The following TMEM82 variants were observed in gnomAD, a reference collection of about 807,000 sequenced individuals.
TMEM82 encodes the protein transmembrane protein 82.
A neutral mutation model predicts 29.2 loss-of-function variants in TMEM82; 30 were observed. The ratio of observed to expected loss-of-function variants is 1.03; its 90% confidence interval spans 0.77 to 1.39. The LOEUF (loss-of-function observed/expected upper bound fraction) is 1.39, where lower values mean the gene tolerates loss of function less well. Ranked by LOEUF, TMEM82 falls within the 40% of genes most tolerant of loss-of-function variation. The pLI, the probability that TMEM82 is intolerant of heterozygous loss-of-function variation, is 0.00. For synonymous variants in TMEM82, 221 were observed against 225.4 expected (o/e 0.98, Z 0.18); for missense variants, 442 against 447.7 (o/e 0.99, Z 0.12).
In TMEM82 at chr1:15,744,014, A is replaced by G. The variant is rs1311964552; in HGVS notation, c.337-146A>G. ...TATGATTGAAATTAAGGTGAGAGAGATGATCCCCTAGGGCTTCATCTGAAG... is the reference window on the plus strand; with the variant it reads ...TATGATTGAAATTAAGGTGAGAGAGGTGATCCCCTAGGGCTTCATCTGAAG... On this transcript the variant is annotated intron_variant, in intron 3 of 5. Transcript: ENST00000375782. This position sits in a 1 kb window ranked among gnomAD's most constrained non-coding sequence, Gnocchi z 5.2. 22 of 680,838 alleles carry G rather than the reference A, an allele frequency of 3.2e-5. No homozygotes were observed. The highest frequency in any genetic ancestry group is 4.5e-5 in the Non-Finnish European group (19 of 425,284). 42.2% of individuals were successfully genotyped at this position (680,838 alleles called of 1,614,324 possible).
At position 15,747,683 on chromosome 1, in the gene TMEM82, C is replaced by A; in HGVS notation, c.*51C>A. On this transcript the variant is annotated 3_prime_UTR_variant, in exon 6 of 6. Transcript: ENST00000375782. Reference sequence around the variant, plus strand: ...TGTCTCAAGCCCACTAGCCTGATCTCCGAGGCCTTGACCCCAGGGCGATGC... The same window carrying A: ...TGTCTCAAGCCCACTAGCCTGATCTACGAGGCCTTGACCCCAGGGCGATGC... 6.5e-7 allele frequency: 1 copy of A among 1,534,220 alleles called. No individual in the cohort carries two copies.
At position 15,747,548 on chromosome 1, in the gene TMEM82, T is replaced by C. The variant is rs753399677; in HGVS notation, c.948T>C (p.Asp316=). The part of the protein sequence containing the change: ...RTLLDLCQIQ[D]FPSQRPPVST... ...TCATTCTCAACGCTTTTCCTCAGGA[T>C]TTTCCATCCCAGAGGCCTCCAGTGT... is the stretch of plus-strand genomic sequence containing the variant. Residue 316 remains aspartate, a splice_region_variant and synonymous_variant, in exon 6 of 6, where the codon GAT becomes GAC. Coordinates refer to ENST00000375782, the MANE Select transcript of TMEM82 (RefSeq NM_001013641.3). The C allele has an allele frequency of 1.7e-5, 28 of 1,613,548 alleles. No homozygotes were observed. The Middle Eastern group carries it at 2.1e-3, about 123-fold the overall frequency.
At position 15,747,693 on chromosome 1, in the gene TMEM82, G is replaced by C; in HGVS notation, c.*61G>C. 6.7e-7 allele frequency: 1 copy of C among 1,483,294 alleles called. No homozygotes were observed. The highest frequency in any genetic ancestry group is 9.4e-7 in the Non-Finnish European group (1 of 1,067,518). 91.9% of individuals were successfully genotyped at this position (1,483,294 alleles called of 1,614,324 possible). A position where few individuals can be genotyped will look rare whatever the true frequency, so the allele number is the denominator to read the frequency against. On this transcript the variant is annotated 3_prime_UTR_variant, in exon 6 of 6. Coordinates refer to ENST00000375782, the MANE Select transcript of TMEM82 (RefSeq NM_001013641.3). Reference sequence around the variant, plus strand: ...CCACTAGCCTGATCTCCGAGGCCTTGACCCCAGGGCGATGCCTGGAGGCAG... The same window carrying C: ...CCACTAGCCTGATCTCCGAGGCCTTCACCCCAGGGCGATGCCTGGAGGCAG...
intron 4 of TMEM82, among the ~76,000 whole-genome samples, chr1:15,745,046 T>TTTTGC (rs1215947365): frequency 5.9e-5 from 9 of 152,134 alleles, no homozygotes; most frequent in African/African-American, 2.4e-5. Context: ...TTTTGTTTTG[T>TTTTGC]TTTGCTTTTC....
chr1:15,744,433 C>T lies in TMEM82; in HGVS notation c.610C>T (p.Leu204=), dbSNP rs1232475844. ...CCATGCACATGGCCTCCCCCAGCTG[C>T]TGGGCCGTGCCCTGGCCATAGCCTT... ...LAHAHGLPQL[L]GRALAIAFAV... Residue 204 remains leucine (L), a synonymous_variant, in exon 4 of 6, where the codon CTG becomes TTG. Transcript: ENST00000375782. The surrounding 1 kb of genome is among the most constrained non-coding windows in gnomAD (Gnocchi z 5.2). 1 of 1,597,524 alleles carries T rather than the reference C, an allele frequency of 6.3e-7. No individual in the cohort carries two copies. The highest frequency in any genetic ancestry group is 8.5e-7 in the Non-Finnish European group (1 of 1,172,820).
rs552891194 is a variant in TMEM82 at position 15,744,883 on chromosome 1, G to T, written c.757+303G>T. Among the ~76,000 whole-genome samples, 3 of 152,288 alleles carry T rather than the reference G, an allele frequency of 2.0e-5. No individual in the cohort carries two copies. In the South Asian group the frequency reaches 6.2e-4, roughly 32 times the overall value. ...CCCAGAGGGGAGAGAGGGCATGGCC[G>T]TGCCAAACAAGCCACAGGAGTCCAG... On this transcript the variant is annotated intron_variant, in intron 4 of 5. Coordinates refer to ENST00000375782, the MANE Select transcript of TMEM82 (RefSeq NM_001013641.3). This position sits in a 1 kb window ranked among gnomAD's most constrained non-coding sequence, Gnocchi z 5.2.
Position 15,744,509 on chromosome 1 carries a change from C to A in TMEM82, c.686C>A (p.Thr229Asn), listed in dbSNP as rs774250926. ...AVALINQDFL[T>N]TSEAMRFWTP... Reference sequence around the variant, plus strand: ...GCCCTCATCAACCAGGACTTCCTGACCACCTCGGAGGCCATGCGGTTCTGG... The same window carrying A: ...GCCCTCATCAACCAGGACTTCCTGAACACCTCGGAGGCCATGCGGTTCTGG... The change falls in exon 4 of 6, where the codon ACC becomes AAC. Residue 229 changes from threonine to asparagine, a missense_variant. Transcript: ENST00000375782. The surrounding 1 kb of genome is among the most constrained non-coding windows in gnomAD (Gnocchi z 5.2). 9 of 1,612,604 alleles carry A rather than the reference C, an allele frequency of 5.6e-6. No individual in the cohort carries two copies. The South Asian group carries it at 9.9e-5, about 18-fold the overall frequency.
At chr1:15,746,593 A>G (rs1177259042) in intron 4 of TMEM82, among the ~76,000 whole-genome samples, 1 of 151,896 alleles carries the variant, frequency 6.6e-6, no homozygotes, top group African/African-American at 2.4e-5. Flanking sequence ...TGCGGAAAAG[A>G]AAGGAGTCAG....
At position 15,746,030 on chromosome 1, in the gene TMEM82, C is replaced by T. The variant is rs550282337; in HGVS notation, c.758-837C>T. 1.2e-4 allele frequency among the ~76,000 whole-genome samples: 18 copies of T among 150,888 alleles called. No homozygotes were observed. The East Asian group carries it at 3.6e-3, about 30-fold the overall frequency. ...GTGAGCCACTGTGCCCGGCTTACTG[C>T]AGGGTTTTTTTTTGTTGTTGTTTTG... On this transcript the variant is annotated intron_variant, in intron 4 of 5. Coordinates refer to ENST00000375782, the MANE Select transcript of TMEM82 (RefSeq NM_001013641.3).
chr1:15,742,699 G>A (rs1394169978), intron 1 of TMEM82, 52 bp downstream of exon 1: 13 of 1,560,092 alleles, frequency 8.3e-6, no homozygotes, highest in Non-Finnish European at 1.1e-5. Context: ...CCAGCTCTTT[G>A]CAGTGCAGGG....
Position 15,744,671 on chromosome 1 carries a change from T to C in TMEM82, c.757+91T>C. 1.4e-6 allele frequency: 2 copies of C among 1,419,986 alleles called. No homozygotes were observed. The highest frequency in any genetic ancestry group is 1.9e-6 in the Non-Finnish European group (2 of 1,064,310). 88.0% of individuals were successfully genotyped at this position (1,419,986 alleles called of 1,614,324 possible). Reference sequence around the variant, plus strand: ...GAGGCCGAGAGCCATCAGCCCTCACTCTTGCCATCCCAGAGAGCCTGGTCA... The same window carrying C: ...GAGGCCGAGAGCCATCAGCCCTCACCCTTGCCATCCCAGAGAGCCTGGTCA... On this transcript the variant is annotated intron_variant, in intron 4 of 5. Transcript: ENST00000375782. This position sits in a 1 kb window ranked among gnomAD's most constrained non-coding sequence, Gnocchi z 5.2.
In TMEM82 at chr1:15,742,625, C is replaced by G. The variant is rs773696106; in HGVS notation, c.66C>G (p.Ser22Arg). Residue 22 changes from serine (S) to arginine (R), a missense_variant, in exon 1 of 6, where the codon AGC (serine) becomes AGG (arginine). Physicochemically the swap from Ser to Arg is moderately radical, Grantham distance 110. Transcript: ENST00000375782. ...TCCCCTCCCTCGAGTGGGGCTCTAG[C>G]CTCCTTGACTCCCTCCTGCAAGGTG... Reference protein sequence around the residue: ...PGLPSLEWGSSLLDSLLQGLI... With the variant: ...PGLPSLEWGSRLLDSLLQGLI... 6.2e-6 allele frequency: 10 copies of G among 1,609,628 alleles called. No individual in the cohort carries two copies. The highest frequency in any genetic ancestry group is 2.2e-5 in the East Asian group (1 of 44,884).
Position 15,746,146 on chromosome 1 carries a change from CT to C in TMEM82, c.758-720del, listed in dbSNP as rs375122557. Among the ~76,000 whole-genome samples the C allele has an allele frequency of 4.7e-3, 712 of 151,860 alleles. 4 individuals are homozygous for C. The highest frequency in any genetic ancestry group is 0.016 in the African/African-American group (679 of 41,442). ...TCCTGGGTTCAATCAATTCTCCTGC[CT>C]CAGCCTCCCAAGTAGCTGGACTCTG... On this transcript the variant is annotated intron_variant, in intron 4 of 5. Transcript: ENST00000375782.
chr1:15,743,823 G>A (rs895345555), intron 3 of TMEM82, among the ~76,000 whole-genome samples: 1 of 152,162 alleles, frequency 6.6e-6, no homozygotes, highest in Non-Finnish European at 1.5e-5. Flanking sequence ...AAATTAGCTG[G>A]GCATGGTGGC....
In TMEM82 at chr1:15,744,784, G is replaced by T. The variant is rs530469732; in HGVS notation, c.757+204G>T. 6.6e-6 allele frequency among the ~76,000 whole-genome samples: 1 copy of T among 152,200 alleles called. No individual in the cohort carries two copies. The highest frequency in any genetic ancestry group is 1.5e-5 in the Non-Finnish European group (1 of 68,044). Reference sequence around the variant, plus strand: ...GTAGTCTTTAGATTGGGCTTTGAAGGATGAGCAGGAGATCCCTAAGAGAAG... The same window carrying T: ...GTAGTCTTTAGATTGGGCTTTGAAGTATGAGCAGGAGATCCCTAAGAGAAG... On this transcript the variant is annotated intron_variant, in intron 4 of 5. Transcript: ENST00000375782. This position sits in a 1 kb window ranked among gnomAD's most constrained non-coding sequence, Gnocchi z 5.2.
intron 5 of TMEM82, 35 bp from the exon 6 acceptor site, chr1:15,747,511 G>A: frequency 6.3e-7 from 1 of 1,587,284 alleles, no homozygotes; most frequent in South Asian, 1.1e-5. Context: ...GGGGATGGGT[G>A]AATGGGTGGT....
intron 5 of TMEM82, 63 bp downstream of exon 5, chr1:15,747,117 C>T (rs1473347943): frequency 1.3e-6 from 2 of 1,528,714 alleles, no homozygotes; most frequent in African/African-American, 2.8e-5. Flanking sequence ...GCCCAGGAGC[C>T]TCAAGAGGCT....
chr1:15,744,078 T>C lies in TMEM82; in HGVS notation c.337-82T>C, dbSNP rs2068314116. 7.1e-7 allele frequency: 1 copy of C among 1,403,936 alleles called. No homozygotes were observed. The allele number at this position is 1,403,936 out of a possible 1,614,324, so 87.0% of individuals were successfully genotyped here. A position where few individuals can be genotyped will look rare whatever the true frequency, so the allele number is the denominator to read the frequency against. ...TTCGGGAACCATCCCCAAGGTCCCTTCAGGCTCCGGCTTCCTGTGGTGGGC... is the reference window on the plus strand; with the variant it reads ...TTCGGGAACCATCCCCAAGGTCCCTCCAGGCTCCGGCTTCCTGTGGTGGGC... On this transcript the variant is annotated intron_variant, in intron 3 of 5. Coordinates refer to ENST00000375782, the MANE Select transcript of TMEM82 (RefSeq NM_001013641.3). This position sits in a 1 kb window ranked among gnomAD's most constrained non-coding sequence, Gnocchi z 5.2.
In TMEM82 at chr1:15,744,295, G is replaced by C; in HGVS notation, c.472G>C (p.Gly158Arg). The change falls in exon 4 of 6, where the codon GGG (glycine) becomes CGG (arginine). Residue 158 changes from glycine (G) to arginine (R), a missense_variant. Transcript: ENST00000375782. This position sits in a 1 kb window ranked among gnomAD's most constrained non-coding sequence, Gnocchi z 5.2. ...CACGCTGAACCTGCTGCTGAGCCTC[G>C]GGCTGGCCACGCTGCTGGGCCTGGG... ...HRTLNLLLSL[G>R]LATLLGLGAR... 6.5e-7 allele frequency: 1 copy of C among 1,549,508 alleles called. No homozygotes were observed. The highest frequency in any genetic ancestry group is 8.7e-7 in the Non-Finnish European group (1 of 1,151,908).
Sources: allele counts gnomAD v4.1 joint callset (sites outside exome capture counted in the v4.1 genomes callset), GRCh38; gene constraint gnomAD v4.1.1; non-coding constraint Gnocchi (gnomAD v3.1); transcripts MANE v1.5; gene names NCBI Gene and HGNC (gene_info 2026-07-23, HGNC 2026-07-21).